Variants in ZNF385B observed in about 807,000 individuals in gnomAD.
The protein encoded by ZNF385B is zinc finger protein 385B.
Under a neutral mutation model 39.2 loss-of-function variants are expected in ZNF385B, and 23 were observed. The observed-to-expected ratio is 0.59, with a 90% CI of 0.42 to 0.83. ZNF385B has a LOEUF of 0.83. Ranked by LOEUF, ZNF385B falls within the 40% of genes least tolerant of loss-of-function variation. The pLI is 0.00. For missense variants in ZNF385B, 552 were observed against 598.9 expected, an observed-to-expected ratio of 0.92 and a Z score of 0.82; for synonymous variants, 205 against 222.6, an observed-to-expected ratio of 0.92 and a Z score of 0.70.
At chr2:179,728,644 C>A (rs1433459914) in intron 3 of ZNF385B, among the ~76,000 whole-genome samples, 3 of 152,094 alleles carry the variant, frequency 2.0e-5, no homozygotes, top group Non-Finnish European at 2.9e-5. Context: ...TTACTATTAG[C>A]TGGTCCCAGT....
At chr2:179,514,431 C>T (rs1432168400) in intron 5 of ZNF385B, among the ~76,000 whole-genome samples, 2 of 152,194 alleles carry the variant, frequency 1.3e-5, no homozygotes, top group Non-Finnish European at 2.9e-5. Flanking sequence ...TACCTTAATT[C>T]TGCTTTGCTA....
At chr2:179,766,029 A>ATC (rs1202559455) in intron 3 of ZNF385B, among the ~76,000 whole-genome samples, 5 of 33,630 alleles carry the variant, frequency 1.5e-4, no homozygotes, top group Admixed American at 4.3e-4. Flanking sequence ...TGGTACATTG[A>ATC]TCACACACAC....
intron 4 of ZNF385B, among the ~76,000 whole-genome samples, chr2:179,523,764 A>G (rs1373492575): frequency 6.6e-6 from 1 of 152,042 alleles, no homozygotes; most frequent in African/African-American, 2.4e-5. Flanking sequence ...CAAAAAGACC[A>G]CTCGAGAATT....
At chr2:179,570,527 TTTTTTAGATTTGGAAGGGGAAGG>T (rs1377490112) in intron 3 of ZNF385B, among the ~76,000 whole-genome samples, 1 of 152,136 alleles carries the variant, frequency 6.6e-6, no homozygotes, top group Non-Finnish European at 1.5e-5. Context: ...AATATCTGTC[TTTTTTAGATTTGGAAGGGGAAGG>T]ACACTTATAC....
At chr2:179,790,350 A>G (rs1300086523) in intron 1 of ZNF385B, among the ~76,000 whole-genome samples, 1 of 152,182 alleles carries the variant, frequency 6.6e-6, no homozygotes, top group Admixed American at 6.5e-5. Flanking sequence ...CATATTTGTC[A>G]GAAAGAAATG....
At chr2:179,725,902 TTG>T (rs769169818) in intron 3 of ZNF385B, among the ~76,000 whole-genome samples, 5,595 of 138,290 alleles carry the variant, frequency 0.04, 273 homozygotes, top group African/African-American at 0.13. Context: ...ATATATGTGT[TTG>T]TGTGTGTATA....
chr2:179,686,240 T>C (rs1697915979), intron 3 of ZNF385B, among the ~76,000 whole-genome samples: 1 of 152,234 alleles, frequency 6.6e-6, no homozygotes. Context: ...CCATAGGTGC[T>C]GATTCCTTAG....
chr2:179,554,914 C>G (rs1337736398), intron 3 of ZNF385B, among the ~76,000 whole-genome samples: 2 of 149,252 alleles, frequency 1.3e-5, no homozygotes, highest in African/African-American at 5.0e-5. Context: ...TAAATTGTCA[C>G]AGCTACTTTG....
intron 3 of ZNF385B, among the ~76,000 whole-genome samples, chr2:179,670,073 C>T (rs533406546): frequency 6.6e-6 from 1 of 151,972 alleles, no homozygotes; most frequent in East Asian, 1.9e-4. Context: ...GGGCGGATCA[C>T]GAGGTCAGGA....
chr2:179,489,553 C>T (rs1318379092), intron 5 of ZNF385B, among the ~76,000 whole-genome samples: 2 of 152,164 alleles, frequency 1.3e-5, no homozygotes, highest in African/African-American at 4.8e-5. Flanking sequence ...TATAGTTAAA[C>T]ATACTAAGAA....
In ZNF385B at chr2:179,555,944, G is replaced by T. The variant is rs1402050892; in HGVS notation, c.299-10975C>A. ...TTAAAAATAAATCCTTTTGAGCACTGCACTGAAGTTGATAAGCAATAATGA... is the reference window on the plus strand; with the variant it reads ...TTAAAAATAAATCCTTTTGAGCACTTCACTGAAGTTGATAAGCAATAATGA... On this transcript the variant is annotated intron_variant, in intron 3 of 9. Transcript: ENST00000410066. Among the ~76,000 whole-genome samples the T allele has an allele frequency of 2.7e-5, 4 of 149,200 alleles. 1 individual carries two copies. Among genetic ancestry groups the T allele is most frequent in the African/African-American group, 5.1e-5 (2 of 39,524 alleles).
chr2:179,712,377 C>T (rs554862061), intron 3 of ZNF385B, among the ~76,000 whole-genome samples: 3 of 152,274 alleles, frequency 2.0e-5, no homozygotes, highest in South Asian at 2.1e-4. Context: ...TGTTCATGCA[C>T]GAAACAGAAT....
At chr2:179,758,273 C>G (rs183012957) in intron 3 of ZNF385B, among the ~76,000 whole-genome samples, 3 of 152,258 alleles carry the variant, frequency 2.0e-5, no homozygotes, top group African/African-American at 7.2e-5. Context: ...TTATTTCTCA[C>G]AGTTATGAAG....
At chr2:179,829,185 C>T (rs928059078) in intron 1 of ZNF385B, among the ~76,000 whole-genome samples, 1 of 152,136 alleles carries the variant, frequency 6.6e-6, no homozygotes, top group Non-Finnish European at 1.5e-5. Flanking sequence ...AAATACCTCA[C>T]TGAGAAAACA....
intron 3 of ZNF385B, among the ~76,000 whole-genome samples, chr2:179,661,668 A>G (rs1449775579): frequency 6.6e-6 from 1 of 152,176 alleles, no homozygotes; most frequent in East Asian, 1.9e-4. Context: ...AAATTGTTTT[A>G]TTGCCATATT....
rs541314814 is a variant in ZNF385B at position 179,548,063 on chromosome 2, A to G, written c.299-3094T>C. Among the ~76,000 whole-genome samples, 2 of 149,652 alleles carry G rather than the reference A, an allele frequency of 1.3e-5. 1 individual carries two copies. The highest frequency in any genetic ancestry group is 4.3e-4 in the South Asian group (2 of 4,694). The stretch of plus-strand genomic sequence containing the variant: ...ACATAGAAATGCTACTGATTTTTGT[A>G]TGTTGATTTTGTATCCTGTAACTTT... On this transcript the variant is annotated intron_variant, in intron 3 of 9. Coordinates refer to ENST00000410066, the MANE Select transcript of ZNF385B (RefSeq NM_152520.6).
chr2:179,530,695 T>C (rs1574637639), intron 4 of ZNF385B, among the ~76,000 whole-genome samples: 1 of 152,218 alleles, frequency 6.6e-6, no homozygotes, highest in East Asian at 1.9e-4. Flanking sequence ...TTTGAATATA[T>C]TTCTGTTCGA....
At chr2:179,468,297 G>C (rs984760484) in intron 6 of ZNF385B, among the ~76,000 whole-genome samples, 4 of 152,156 alleles carry the variant, frequency 2.6e-5, no homozygotes, top group African/African-American at 9.6e-5. Context: ...CTAATGAACA[G>C]CTTTCTCTTA....
chr2:179,711,333 G>A (rs759652228), intron 3 of ZNF385B, among the ~76,000 whole-genome samples: 1 of 152,064 alleles, frequency 6.6e-6, no homozygotes, highest in Admixed American at 6.5e-5. Context: ...TATTATATAC[G>A]TTATTTTTTT....
Sources: allele counts gnomAD v4.1 joint callset (sites outside exome capture counted in the v4.1 genomes callset), GRCh38; gene constraint gnomAD v4.1.1; transcripts MANE v1.5; gene names NCBI Gene and HGNC (gene_info 2026-07-23, HGNC 2026-07-21).